CCBE1: variants seen among roughly 807,000 people sequenced by gnomAD.
The protein encoded by CCBE1 is collagen and calcium binding EGF domains 1, also known as collagen and calcium-binding EGF domain-containing protein 1.
A neutral mutation model predicts 50.0 loss-of-function variants in CCBE1; 37 were observed. The observed-to-expected ratio is 0.74, with a 90% CI of 0.57 to 0.97. The LOEUF is 0.97. Among genes scored for constraint, CCBE1 ranks in the 50% least tolerant of loss-of-function variants. The probability of loss-of-function intolerance (pLI) is 0.00; values close to 1 mark genes in which losing one functional copy is unlikely to be tolerated. For synonymous variants in CCBE1, 234 were observed against 203.7 expected (o/e 1.15, Z -1.27); for missense variants, 538 against 523.8 (o/e 1.03, Z -0.26).
intron 2 of CCBE1, among the ~76,000 whole-genome samples, chr18:59,528,339 C>G (rs1199662047): frequency 2.0e-5 from 3 of 152,212 alleles, no homozygotes; most frequent in Non-Finnish European, 4.4e-5. Context: ...TCCCACTAAA[C>G]TGCTTATTCT....
intron 5 of CCBE1, chr18:59,462,491 T>A (rs1354049799): frequency 6.6e-6 from 1 of 152,112 alleles, no homozygotes; most frequent in Non-Finnish European, 1.5e-5. Context: ...GTTCAAGTGA[T>A]CCTCCCACCT....
intron 2 of CCBE1, among the ~76,000 whole-genome samples, chr18:59,651,325 T>C (rs2054125377): frequency 6.6e-6 from 1 of 152,140 alleles, no homozygotes; most frequent in Non-Finnish European, 1.5e-5. Flanking sequence ...CATTGGAAAA[T>C]GAGCGTCCAT....
chr18:59,517,515 G>T (rs1263379048), intron 2 of CCBE1, among the ~76,000 whole-genome samples: 1 of 152,202 alleles, frequency 6.6e-6, no homozygotes, highest in African/African-American at 2.4e-5. Flanking sequence ...CTACATAAAT[G>T]TAAGTACAGC....
At chr18:59,580,142 A>T (rs1326626208) in intron 2 of CCBE1, among the ~76,000 whole-genome samples, 3 of 152,202 alleles carry the variant, frequency 2.0e-5, no homozygotes, top group Non-Finnish European at 4.4e-5. Context: ...GGGAAAATTT[A>T]AGCTGGGAAC....
chr18:59,610,371 C>A (rs2053552138), intron 2 of CCBE1, among the ~76,000 whole-genome samples: 1 of 152,040 alleles, frequency 6.6e-6, no homozygotes. Context: ...AATATAAAGA[C>A]CATTTAACAT....
intron 2 of CCBE1, among the ~76,000 whole-genome samples, chr18:59,496,814 C>A (rs144010917): frequency 1.4e-3 from 217 of 152,240 alleles, no homozygotes; most frequent in African/African-American, 5.1e-3. Context: ...GTCACATAAG[C>A]CTCTATGTTC....
intron 2 of CCBE1, among the ~76,000 whole-genome samples, chr18:59,620,689 G>T (rs983198632): frequency 3.9e-5 from 6 of 152,142 alleles, no homozygotes; most frequent in African/African-American, 1.4e-4. Flanking sequence ...TTATAAAGGG[G>T]AGTTCCCCTG....
intron 2 of CCBE1, among the ~76,000 whole-genome samples, chr18:59,563,339 T>A (rs1180478967): frequency 6.6e-6 from 1 of 152,250 alleles, no homozygotes; most frequent in African/African-American, 2.4e-5. Context: ...TACTATTTGT[T>A]TGCTACTTGT....
chr18:59,536,961 C>T (rs1401955128), intron 2 of CCBE1, among the ~76,000 whole-genome samples: 3 of 140,314 alleles, frequency 2.1e-5, no homozygotes, highest in African/African-American at 5.4e-5. Flanking sequence ...CACTGCACTC[C>T]AGACTGGCAA....
chr18:59,617,900 ATG>A (rs1213526545), intron 2 of CCBE1, among the ~76,000 whole-genome samples: 4 of 152,212 alleles, frequency 2.6e-5, no homozygotes, highest in Admixed American at 2.6e-4. Context: ...TCAAGCCAGT[ATG>A]TGACTTTCAT....
At chr18:59,535,119 C>T (rs879411833) in intron 2 of CCBE1, among the ~76,000 whole-genome samples, 6 of 152,130 alleles carry the variant, frequency 3.9e-5, no homozygotes, top group East Asian at 1.9e-4. Context: ...TGATCTTAGA[C>T]GAGGCATTCA....
At chr18:59,693,188 C>A (rs2054759493) in intron 2 of CCBE1, among the ~76,000 whole-genome samples, 1 of 152,102 alleles carries the variant, frequency 6.6e-6, no homozygotes, top group Admixed American at 6.6e-5. Flanking sequence ...AAGTCCCTTG[C>A]CCTCCTAAAT....
intron 2 of CCBE1, among the ~76,000 whole-genome samples, chr18:59,577,471 C>T (rs956565315): frequency 1.6e-4 from 24 of 152,280 alleles, no homozygotes; most frequent in Middle Eastern, 3.4e-3. Context: ...GTTTCTTAAG[C>T]TGAATCATAA....
intron 3 of CCBE1, among the ~76,000 whole-genome samples, chr18:59,474,267 G>A (rs1235719744): frequency 6.6e-6 from 1 of 152,190 alleles, no homozygotes; most frequent in Non-Finnish European, 1.5e-5. Flanking sequence ...TGGGCCAAAT[G>A]GTAGTTTCCC....
intron 2 of CCBE1, among the ~76,000 whole-genome samples, chr18:59,534,081 C>T (rs950652525): frequency 5.3e-5 from 8 of 149,544 alleles, no homozygotes; most frequent in African/African-American, 2.0e-4. Flanking sequence ...GTGTTCGATT[C>T]CGCCTTAGTG....
intron 2 of CCBE1, among the ~76,000 whole-genome samples, chr18:59,516,595 T>C (rs1206257815): frequency 6.6e-6 from 1 of 152,218 alleles, no homozygotes; most frequent in Non-Finnish European, 1.5e-5. Context: ...TATCTTTGTT[T>C]ACCTCCTGTT....
At chr18:59,634,370 A>G (rs2053890416) in intron 2 of CCBE1, among the ~76,000 whole-genome samples, 1 of 152,214 alleles carries the variant, frequency 6.6e-6, no homozygotes, top group Non-Finnish European at 1.5e-5. Context: ...CTGCATTTAG[A>G]CTAAATGCAT....
intron 2 of CCBE1, among the ~76,000 whole-genome samples, chr18:59,690,105 G>A (rs1239292567): frequency 4.6e-5 from 7 of 152,254 alleles, no homozygotes; most frequent in Admixed American, 1.3e-4. Flanking sequence ...TGAGGACAGA[G>A]GATTTTTGTT....
intron 2 of CCBE1, among the ~76,000 whole-genome samples, chr18:59,571,640 A>G (rs1407767128): frequency 1.3e-5 from 2 of 152,232 alleles, no homozygotes; most frequent in African/African-American, 4.8e-5. Flanking sequence ...AACAAAATCT[A>G]TCCTTATAGT....
Sources: allele counts gnomAD v4.1 joint callset (sites outside exome capture counted in the v4.1 genomes callset), GRCh38; gene constraint gnomAD v4.1.1; transcripts MANE v1.5; gene names NCBI Gene and HGNC (gene_info 2026-07-23, HGNC 2026-07-21).